NPIPA5: variants seen among roughly 807,000 people sequenced by gnomAD.
NPIPA5 encodes the protein nuclear pore complex-interacting protein family member A5.
NPIPA5 carries 6 observed loss-of-function variants against 21.4 expected under a neutral mutation model. The ratio of observed to expected loss-of-function variants is 0.28; its 90% CI spans 0.15 to 0.55. The LOEUF (loss-of-function observed/expected upper bound fraction) is 0.55, where lower values mean the gene tolerates loss of function less well. NPIPA5 is among the 20% of genes least tolerant of loss of function. The pLI is 0.93. For synonymous variants in NPIPA5, 33 were observed against 115.3 expected (o/e 0.29, Z 4.57); for missense variants, 99 against 318.2 (o/e 0.31, Z 5.24).
rs1205212408 is a variant in NPIPA5 at position 15,363,712 on chromosome 16, A to C, written c.1000T>G (p.Cys334Gly). 3 of 1,421,804 alleles carry C rather than the reference A, an allele frequency of 2.1e-6. No individual in the cohort carries two copies. Among genetic ancestry groups the C allele is most frequent in the African/African-American group, 3.0e-5 (2 of 65,716 alleles). The allele number at this position is 1,421,804 out of a possible 1,614,324, so 88.1% of individuals were successfully genotyped here. ...ADDNLKTPPECVCSLPFHPQR... is the reference protein window; with the variant it reads ...ADDNLKTPPEGVCSLPFHPQR... ...GGGTGGAAGGGGAGTGAGCAGACAC[A>C]CTCGGGAGGTGTCTTGAGATTATCA... The change falls in exon 8 of 8, where the codon TGT (cysteine) becomes GGT (glycine). Residue 334 changes from cysteine (C) to glycine (G), a missense_variant. This residue lies in a region of NPIPA5 where 75 missense variants were observed against 138.5 expected (regional missense o/e 0.54). Coordinates refer to ENST00000360151, the MANE Select transcript of NPIPA5 (RefSeq NM_001277325.2).
At chr16:15,371,006 C>G (rs1375767230) in intron 2 of NPIPA5, among the ~76,000 whole-genome samples, 1 of 111,860 alleles carries the variant, frequency 8.9e-6, no homozygotes, top group Non-Finnish European at 1.9e-5. Context: ...AAGATCCCAC[C>G]ACTGCACTCC....
intron 1 of NPIPA5, among the ~76,000 whole-genome samples, chr16:15,377,091 A>G (rs1404547443): frequency 1.3e-5 from 2 of 151,804 alleles, no homozygotes; most frequent in African/African-American, 4.8e-5. Context: ...ATCTCGGCTC[A>G]CTGCAACGTC....
upstream of NPIPA5, among the ~76,000 whole-genome samples, chr16:15,380,168 G>A (rs2050404916): frequency 2.0e-5 from 3 of 151,996 alleles, no homozygotes; most frequent in East Asian, 5.8e-4. Flanking sequence ...TAAAAAATAT[G>A]TATTACATGT....
upstream of NPIPA5, chr16:15,380,865 G>C: frequency 2.9e-6 from 2 of 682,832 alleles, no homozygotes; most frequent in Non-Finnish European, 4.8e-6. Flanking sequence ...TATGAGATGT[G>C]TGGCAGCTGA....
upstream of NPIPA5, among the ~76,000 whole-genome samples, chr16:15,380,434 T>C (rs2050412176): frequency 1.3e-5 from 2 of 152,018 alleles, no homozygotes; most frequent in Admixed American, 1.3e-4. Flanking sequence ...GCAATTCTCC[T>C]GTCTCAGCCT....
intron 4 of NPIPA5, among the ~76,000 whole-genome samples, chr16:15,369,487 G>A (rs1398781866): frequency 1.3e-5 from 2 of 151,494 alleles, no homozygotes; most frequent in African/African-American, 4.9e-5. Flanking sequence ...GAAAACCAAT[G>A]CCAGTACTAG....
chr16:15,364,201 TAGC>T lies in NPIPA5; in HGVS notation c.643-135_643-133del, dbSNP rs2049935664. ...CCTTTCCATCCTCCAGGTTTCAAAA[TAGC>T]AGTGTCAGTGTCATAATATCACCCT... On this transcript the variant is annotated intron_variant, in intron 7 of 7. Coordinates refer to ENST00000360151, the MANE Select transcript of NPIPA5 (RefSeq NM_001277325.2). 1.1e-5 allele frequency: 13 copies of T among 1,139,272 alleles called. 1 individual carries two copies. In the East Asian group the frequency reaches 3.7e-4, roughly 32 times the overall value. 70.6% of individuals were successfully genotyped at this position (1,139,272 alleles called of 1,614,324 possible).
rs560501721 is a variant in NPIPA5 at position 15,363,663 on chromosome 16, T to C, written c.1049A>G (p.Asn350Ser). ...ATATTATTTATTTATTCTTCATTAG[T>C]TTCTTGAGATTATCATCCGCTGAGG... Reference protein sequence around the residue: ...FHPQRMIISRN With the variant: ...FHPQRMIISRS Residue 350 changes from asparagine to serine, a missense_variant, in exon 8 of 8, where the codon AAC (asparagine) becomes AGC (serine). This residue lies in a region of NPIPA5 where 75 missense variants were observed against 138.5 expected (regional missense o/e 0.54). Coordinates refer to ENST00000360151, the MANE Select transcript of NPIPA5 (RefSeq NM_001277325.2). 37 of 1,543,762 alleles carry C rather than the reference T, an allele frequency of 2.4e-5. 2 individuals carry two copies. Among genetic ancestry groups the C allele is most frequent in the Non-Finnish European group, 3.1e-5 (36 of 1,149,840 alleles).
chr16:15,367,466 G>A (rs1241512464), intron 4 of NPIPA5, among the ~76,000 whole-genome samples: 2 of 152,022 alleles, frequency 1.3e-5, no homozygotes, highest in Non-Finnish European at 2.9e-5. Flanking sequence ...CCACCCTGGT[G>A]TTGACTGACT....
rs577682430 is a variant in NPIPA5, at chr16:15,372,650, TTATC to T, written c.192+1061_192+1064del. On this transcript the variant is annotated intron_variant, in intron 2 of 7. Transcript: ENST00000360151. The stretch of plus-strand genomic sequence containing the variant: ...AAAGGCAGTGCCAAATGACGTGTAA[TTATC>T]TAGGCAGTAAAACTGAAACATACTT... Among the ~76,000 whole-genome samples the T allele has an allele frequency of 3.5e-3, 507 of 145,824 alleles. 24 individuals are homozygous for T. Among genetic ancestry groups the T allele is most frequent in the African/African-American group, 0.011 (434 of 40,374 alleles).
intron 1 of NPIPA5, among the ~76,000 whole-genome samples, chr16:15,377,357 G>A (rs2050325994): frequency 6.7e-6 from 1 of 150,268 alleles, no homozygotes; most frequent in South Asian, 2.1e-4. Flanking sequence ...AAGAAACCCC[G>A]CGGGTCCAAC....
chr16:15,371,771 G>C (rs1296072724), intron 2 of NPIPA5, among the ~76,000 whole-genome samples: 2 of 141,872 alleles, frequency 1.4e-5, no homozygotes, highest in African/African-American at 5.1e-5. Flanking sequence ...CCAAAGTGCT[G>C]GGATTACAGG....
intron 2 of NPIPA5, among the ~76,000 whole-genome samples, chr16:15,373,065 C>T (rs1443209591): frequency 3.7e-5 from 4 of 108,680 alleles, no homozygotes; most frequent in African/African-American, 7.0e-5. Flanking sequence ...CTTCACCTTC[C>T]GGCAGTTTGT....
upstream of NPIPA5, among the ~76,000 whole-genome samples, chr16:15,379,989 G>T (rs576513480): frequency 3.4e-5 from 5 of 147,844 alleles, no homozygotes; most frequent in African/African-American, 9.8e-5. Flanking sequence ...GTGTGTCTGT[G>T]TGTGTGTGTG....
At chr16:15,371,936 G>T (rs1251107005) in intron 2 of NPIPA5, among the ~76,000 whole-genome samples, 2 of 144,282 alleles carry the variant, frequency 1.4e-5, no homozygotes, top group African/African-American at 2.5e-5. Context: ...GAGCAACCAC[G>T]TCTATCCCAC....
At chr16:15,381,162 G>A (rs944649166), upstream of NPIPA5, 14 of 665,060 alleles carry the variant, frequency 2.1e-5, no homozygotes, top group Middle Eastern at 4.1e-4. Context: ...AGTGGTCAAG[G>A]GCTTCAGAAA....
chr16:15,377,096 A>G lies in NPIPA5; in HGVS notation c.63+1136T>C, dbSNP rs560569764. Among the ~76,000 whole-genome samples the G allele has an allele frequency of 8.4e-3, 1,264 of 150,840 alleles. 3 individuals carry two copies. The highest frequency in any genetic ancestry group is 0.014 in the Non-Finnish European group (946 of 67,726). ...CAGCGGGGCCATCTCGGCTCACTGC[A>G]ACGTCCAGCTCCTGGGCCCAAGCGA... On this transcript the variant is annotated intron_variant, in intron 1 of 7. Transcript: ENST00000360151.
chr16:15,367,522 G>A lies in NPIPA5; in HGVS notation c.438-762C>T, dbSNP rs966286056. The stretch of plus-strand genomic sequence containing the variant: ...GAGATTGAGGGCAGAAAAAGGAAAC[G>A]GCCTCAAAAGGGTAAGTTTGCTGTG... On this transcript the variant is annotated intron_variant, in intron 4 of 7. Coordinates refer to ENST00000360151, the MANE Select transcript of NPIPA5 (RefSeq NM_001277325.2). Among the ~76,000 whole-genome samples the A allele has an allele frequency of 5.3e-5, 8 of 152,046 alleles. No homozygotes were observed. In the East Asian group the frequency reaches 5.8e-4, roughly 11 times the overall value.
upstream of NPIPA5, chr16:15,381,203 T>G (rs1315311694): frequency 2.6e-5 from 4 of 153,644 alleles, no homozygotes; most frequent in African/African-American, 7.4e-5. Flanking sequence ...TTCCTGTACT[T>G]TGAATTTCTA....
Sources: gnomAD v4.1 joint callset for allele counts (sites outside exome capture counted in the v4.1 genomes callset) on GRCh38, gnomAD v4.1.1 for gene constraint, gnomAD v4.1.1 regional missense constraint, MANE v1.5 for transcripts, NCBI Gene and HGNC (gene_info 2026-07-23, HGNC 2026-07-21) for gene names.